THOP1: variants seen among roughly 807,000 people sequenced by gnomAD.
THOP1 encodes thimet oligopeptidase.
A neutral mutation model predicts 71.8 loss-of-function variants in THOP1; 49 were observed. That is an observed-to-expected ratio of 0.68 (90% CI 0.54 to 0.87). The LOEUF is 0.87. Ranked by LOEUF, THOP1 falls within the 40% of genes least tolerant of loss-of-function variation. The probability of loss-of-function intolerance (pLI) is 0.00; values close to 1 mark genes in which losing one functional copy is unlikely to be tolerated. For missense variants in THOP1, 843 were observed against 975.6 expected (o/e 0.86, Z 1.81); for synonymous variants, 426 against 421.5 (o/e 1.01, Z -0.13).
At chr19:2,812,281 C>T (rs1269806085) in intron 12 of THOP1, 16 of 1,535,516 alleles carry the variant, frequency 1.0e-5, no homozygotes, top group Admixed American at 3.9e-5. Flanking sequence ...TCGGGACAGC[C>T]GCCAGAGTCC....
intron 1 of THOP1, among the ~76,000 whole-genome samples, chr19:2,789,343 T>C (rs1292070934): frequency 1.3e-5 from 2 of 152,196 alleles, no homozygotes; most frequent in African/African-American, 4.8e-5. Flanking sequence ...CCGCACTGAC[T>C]TCACATAGTC....
intron 12 of THOP1, chr19:2,812,480 G>T: frequency 7.7e-7 from 1 of 1,293,048 alleles, no homozygotes; most frequent in South Asian, 1.7e-5. Context: ...TCACAGCCCA[G>T]CAGGGACCTC....
At position 2,805,160 on chromosome 19, in the gene THOP1, A is replaced by G. The variant is rs747330701; in HGVS notation, c.734A>G (p.Asn245Ser). Residue 245 changes from asparagine (N) to serine (S), a missense_variant, in exon 6 of 13, where the codon AAC (asparagine) becomes AGC (serine). Coordinates refer to ENST00000307741, the MANE Select transcript of THOP1 (RefSeq NM_003249.5). This position sits in a 1 kb window ranked among gnomAD's most constrained non-coding sequence, Gnocchi z 6.6. ...ETRRKVEEAF[N>S]CRCKEENCAI... Reference sequence around the variant, plus strand: ...AGGAGGAAAGTGGAGGAGGCCTTCAACTGCCGGTGCAAGGAGGTGAGAAGG... The same window carrying G: ...AGGAGGAAAGTGGAGGAGGCCTTCAGCTGCCGGTGCAAGGAGGTGAGAAGG... The G allele has an allele frequency of 1.9e-6, 3 of 1,611,850 alleles. No homozygotes were observed. Among genetic ancestry groups the G allele is most frequent in the East Asian group, 4.5e-5 (2 of 44,866 alleles).
At chr19:2,794,483 G>C (rs1275578410) in intron 2 of THOP1, among the ~76,000 whole-genome samples, 1 of 152,216 alleles carries the variant, frequency 6.6e-6, no homozygotes, top group East Asian at 1.9e-4. Flanking sequence ...AGCTCTGTTG[G>C]GTCCTCCTTG....
At chr19:2,793,656 C>A (rs1219338275) in intron 2 of THOP1, among the ~76,000 whole-genome samples, 1 of 152,224 alleles carries the variant, frequency 6.6e-6, no homozygotes, top group Non-Finnish European at 1.5e-5. Context: ...CACCACTGCA[C>A]TCCAGCTTGG....
At chr19:2,807,081 T>C in intron 7 of THOP1, 29 bp downstream of exon 7, 2 of 1,594,074 alleles carry the variant, frequency 1.3e-6, no homozygotes, top group South Asian at 2.2e-5. Flanking sequence ...TCCACTGGGG[T>C]CCCTGTGGGG....
chr19:2,808,808 C>G (rs1394162638), intron 9 of THOP1, among the ~76,000 whole-genome samples: 2 of 152,232 alleles, frequency 1.3e-5, no homozygotes, highest in African/African-American at 4.8e-5. Context: ...CCCATCTCGT[C>G]TTCTTACAGG....
chr19:2,793,035 C>T (rs147576977), intron 2 of THOP1, among the ~76,000 whole-genome samples: 3,888 of 152,016 alleles, frequency 0.026, 147 homozygotes, highest in African/African-American at 0.088. Flanking sequence ...ATTATCCGGG[C>T]GTGGTGGCGC....
intron 2 of THOP1, 144 bp downstream of exon 2, chr19:2,790,777 C>T: frequency 4.3e-6 from 3 of 698,786 alleles, no homozygotes; most frequent in Non-Finnish European, 6.6e-6. Flanking sequence ...AGGGCAGCGC[C>T]ACCTGCTCCC....
intron 9 of THOP1, 77 bp from the exon 10 acceptor site, chr19:2,810,227 C>T (rs1916422014): frequency 8.5e-6 from 13 of 1,521,278 alleles, no homozygotes; most frequent in Non-Finnish European, 1.1e-5. Flanking sequence ...TGCACTGTGG[C>T]AGCTGACACG....
chr19:2,809,934 A>T (rs1916412543), intron 9 of THOP1: 2 of 286,924 alleles, frequency 7.0e-6, no homozygotes, highest in Admixed American at 9.6e-5. Context: ...CCACACACAC[A>T]CGAGCAGGGA....
chr19:2,811,529 T>C, intron 11 of THOP1, 69 bp from the exon 12 acceptor site: 1 of 1,554,880 alleles, frequency 6.4e-7, no homozygotes, highest in Non-Finnish European at 8.7e-7. Context: ...GTCTGGCTGG[T>C]TGTCTTCTCC....
intron 6 of THOP1, 186 bp from the exon 7 acceptor site, chr19:2,806,731 C>A (rs920875218): frequency 1.0e-6 from 1 of 1,000,650 alleles, no homozygotes; most frequent in Non-Finnish European, 1.4e-6. Flanking sequence ...TCCAAAAAGG[C>A]CTTGGGATTA....
rs75574481 is a variant in THOP1 at position 2,801,793 on chromosome 19, C to T, written c.589+2002C>T. Reference sequence around the variant, plus strand: ...GGCAAGGGGAGGGGGCTAAGCGAGCCGGTTCCACCCAGGTCTCTCCTCCTC... The same window carrying T: ...GGCAAGGGGAGGGGGCTAAGCGAGCTGGTTCCACCCAGGTCTCTCCTCCTC... On this transcript the variant is annotated intron_variant, in intron 5 of 12. Coordinates refer to ENST00000307741, the MANE Select transcript of THOP1 (RefSeq NM_003249.5). This position sits in a 1 kb window ranked among gnomAD's most constrained non-coding sequence, Gnocchi z 5.1. 5.6e-3 allele frequency among the ~76,000 whole-genome samples: 846 copies of T among 152,142 alleles called. 8 individuals carry two copies. The highest frequency in any genetic ancestry group is 0.019 in the African/African-American group (806 of 41,484).
intron 9 of THOP1, among the ~76,000 whole-genome samples, chr19:2,809,063 T>A (rs1229462901): frequency 6.6e-6 from 1 of 152,150 alleles, no homozygotes; most frequent in Non-Finnish European, 1.5e-5. Context: ...CAATCGCTCC[T>A]CAGAAAGGCT....
chr19:2,787,216 C>G (rs1181274097), intron 1 of THOP1, among the ~76,000 whole-genome samples: 1 of 152,176 alleles, frequency 6.6e-6, no homozygotes, highest in Non-Finnish European at 1.5e-5. Flanking sequence ...TAGAAGGTCA[C>G]TCAGGTTGTT....
At chr19:2,812,288 G>T in intron 12 of THOP1, 8 of 1,535,526 alleles carry the variant, frequency 5.2e-6, no homozygotes, top group Non-Finnish European at 7.0e-6. Flanking sequence ...AGCCGCCAGA[G>T]TCCCTCACAA....
At chr19:2,802,523 A>C (rs1327948558) in intron 5 of THOP1, among the ~76,000 whole-genome samples, 32 of 50,712 alleles carry the variant, frequency 6.3e-4, no homozygotes, top group African/African-American at 1.2e-3. Flanking sequence ...CACGACACCC[A>C]CACCTCCCGA....
rs1456520822 is a variant in THOP1, at chr19:2,810,690, C to T, written c.1693C>T (p.His565Tyr). 1 of 1,572,316 alleles carries T rather than the reference C, an allele frequency of 6.4e-7. No homozygotes were observed. Among genetic ancestry groups the T allele is most frequent in the Non-Finnish European group, 8.6e-7 (1 of 1,158,440 alleles). ...CCTCGCCAAGGTGGACCAGGCCCTGCACACGCAGACGGACGCAGACCCCGC... is the reference window on the plus strand; with the variant it reads ...CCTCGCCAAGGTGGACCAGGCCCTGTACACGCAGACGGACGCAGACCCCGC... ...IVLAKVDQAL[H>Y]TQTDADPAEE... Residue 565 changes from histidine (H) to tyrosine (Y), a missense_variant, in exon 11 of 13, where the codon CAC becomes TAC. By Grantham distance (83) the His-to-Tyr change is moderately conservative. Coordinates refer to ENST00000307741, the MANE Select transcript of THOP1 (RefSeq NM_003249.5).
Sources: allele counts gnomAD v4.1 joint callset (sites outside exome capture counted in the v4.1 genomes callset), GRCh38; gene constraint gnomAD v4.1.1; non-coding constraint Gnocchi (gnomAD v3.1); transcripts MANE v1.5; gene names NCBI Gene and HGNC (gene_info 2026-07-23, HGNC 2026-07-21).